Variants in AVL9 observed in about 807,000 individuals in gnomAD.
The protein encoded by AVL9 is late secretory pathway protein AVL9 homolog.
Under a neutral mutation model 79.2 loss-of-function variants are expected in AVL9, and 49 were observed. The observed-to-expected ratio is 0.62, with a 90% CI of 0.49 to 0.79. The LOEUF (loss-of-function observed/expected upper bound fraction) is 0.79. Ranked by LOEUF, AVL9 falls within the 30% of genes least tolerant of loss-of-function variation. AVL9 has a pLI of 0.00. For synonymous variants in AVL9, 299 were observed against 280.6 expected (o/e 1.07, Z -0.65); for missense variants, 682 against 776.8 (o/e 0.88, Z 1.45).
chr7:32,553,409 G>A lies in AVL9; in HGVS notation c.530-318G>A, dbSNP rs568631348. ...AGCCACCTATAGCTGTCTACATTTA[G>A]ATTAAAATTAATAAAATTTTAATAA... On this transcript the variant is annotated intron_variant, in intron 6 of 15. Transcript: ENST00000318709. Among the ~76,000 whole-genome samples, 607 of 152,224 alleles carry A rather than the reference G, an allele frequency of 4.0e-3. 6 individuals carry two copies. The highest frequency in any genetic ancestry group is 0.014 in the African/African-American group (589 of 41,534).
intron 13 of AVL9, among the ~76,000 whole-genome samples, chr7:32,577,232 G>A (rs1033292371): frequency 4.6e-5 from 7 of 152,276 alleles, no homozygotes; most frequent in African/African-American, 1.7e-4. Context: ...CTATTTGGGA[G>A]ACTGAGGCAG....
At chr7:32,571,442 C>T (rs570829373) in intron 11 of AVL9, among the ~76,000 whole-genome samples, 49 of 151,766 alleles carry the variant, frequency 3.2e-4, no homozygotes, top group African/African-American at 1.1e-3. Context: ...GCAGGAGAAT[C>T]GCTTGAACCC....
At chr7:32,569,932 T>G in intron 10 of AVL9, 88 bp from the exon 11 acceptor site, 1 of 1,327,500 alleles carries the variant, frequency 7.5e-7, no homozygotes, top group South Asian at 1.3e-5. Context: ...GAATGGAAGT[T>G]TCTTTTCCTA....
intron 4 of AVL9, among the ~76,000 whole-genome samples, chr7:32,550,467 T>C (rs765499341): frequency 7.9e-5 from 12 of 152,280 alleles, no homozygotes; most frequent in East Asian, 1.9e-4. Context: ...TTCTGGTCTA[T>C]GTATTGAAGT....
chr7:32,569,877 T>C, intron 10 of AVL9, 143 bp from the exon 11 acceptor site: 1 of 723,406 alleles, frequency 1.4e-6, no homozygotes, highest in Non-Finnish European at 2.3e-6. Context: ...TGGAATATTA[T>C]TTTATTGAGT....
Position 32,559,516 on chromosome 7 carries a change from T to C in AVL9, c.1215+52T>C, listed in dbSNP as rs766968909. 9.3e-6 allele frequency: 14 copies of C among 1,500,256 alleles called. No individual in the cohort carries two copies. The African/African-American group carries it at 2.0e-4, about 21-fold the overall frequency. 92.9% of individuals were successfully genotyped at this position (1,500,256 alleles called of 1,614,324 possible). A position where few individuals can be genotyped will look rare whatever the true frequency, so the allele number is the denominator to read the frequency against. ...TCCTTAAAGAATTTGAAAAATCCTT[T>C]CGGAGTTTAACTTTTGAACTTTTGG... On this transcript the variant is annotated intron_variant, in intron 10 of 15. Transcript: ENST00000318709.
intron 1 of AVL9, among the ~76,000 whole-genome samples, chr7:32,542,313 G>A (rs570658772): frequency 1.3e-5 from 2 of 150,506 alleles, no homozygotes; most frequent in African/African-American, 4.9e-5. Context: ...GCCAGGGCAG[G>A]CGGATTACCT....
At chr7:32,562,356 C>T (rs1191497262) in intron 10 of AVL9, among the ~76,000 whole-genome samples, 4 of 152,078 alleles carry the variant, frequency 2.6e-5, no homozygotes, top group African/African-American at 9.7e-5. Flanking sequence ...AAATATTATA[C>T]ATATGTATTT....
At position 32,576,171 on chromosome 7, in the gene AVL9, C is replaced by T. The variant is rs1036816739; in HGVS notation, c.1688+99C>T. 1.7e-5 allele frequency: 14 copies of T among 815,028 alleles called. No homozygotes were observed. In the East Asian group the frequency reaches 3.3e-4, roughly 19 times the overall value. The allele number at this position is 815,028 out of a possible 1,614,324, so 50.5% of individuals were successfully genotyped here. On this transcript the variant is annotated intron_variant, in intron 13 of 15. Transcript: ENST00000318709. ...TTTTAACTTTGATATTGTGAATATC[C>T]TCAAGAATCCCCTTAAGTAGGTCAT...
At chr7:32,564,743 C>G (rs1434005741) in intron 10 of AVL9, among the ~76,000 whole-genome samples, 1 of 152,156 alleles carries the variant, frequency 6.6e-6, no homozygotes, top group East Asian at 1.9e-4. Flanking sequence ...AGAGCTGATT[C>G]AGGAAGTGTA....
chr7:32,507,956 A>T (rs964619866), intron 1 of AVL9, among the ~76,000 whole-genome samples: 1 of 152,186 alleles, frequency 6.6e-6, no homozygotes, highest in Non-Finnish European at 1.5e-5. Flanking sequence ...ATTGTTTTAC[A>T]TCACATTTTT....
intron 6 of AVL9, among the ~76,000 whole-genome samples, chr7:32,552,806 G>A (rs1789892257): frequency 6.6e-6 from 1 of 152,038 alleles, no homozygotes; most frequent in South Asian, 2.1e-4. Flanking sequence ...GGATAGTAAT[G>A]GAAGTTTTTT....
rs193048938 is a variant in AVL9, at chr7:32,560,480, C to A, written c.1215+1016C>A. On this transcript the variant is annotated intron_variant, in intron 10 of 15. Transcript: ENST00000318709. ...CATCCCTAAGAAGCAGCTCCTCATC[C>A]GTTCAAGTTTTTATCAGTAGTTTGC... Among the ~76,000 whole-genome samples the A allele has an allele frequency of 2.8e-4, 42 of 152,254 alleles. 1 individual carries two copies. Among genetic ancestry groups the A allele is most frequent in the African/African-American group, 9.1e-4 (38 of 41,546 alleles).
At chr7:32,531,845 AC>A in intron 1 of AVL9, 1 of 158,310 alleles carries the variant, frequency 6.3e-6, no homozygotes, top group Non-Finnish European at 1.4e-5. Flanking sequence ...GGTGCTTGTG[AC>A]CCCCAAAGCC....
intron 1 of AVL9, among the ~76,000 whole-genome samples, chr7:32,521,109 T>G (rs1788127177): frequency 6.6e-6 from 1 of 152,178 alleles, no homozygotes; most frequent in Admixed American, 6.6e-5. Context: ...TAAATTTTTT[T>G]TTCTTCCCAG....
intron 4 of AVL9, 50 bp downstream of exon 4, chr7:32,548,968 T>G: frequency 7.9e-7 from 1 of 1,258,198 alleles, no homozygotes; most frequent in Non-Finnish European, 1.1e-6. Flanking sequence ...ATGGCAGATC[T>G]TTCTTTAAGG....
intron 1 of AVL9, among the ~76,000 whole-genome samples, chr7:32,513,249 C>A (rs1260480236): frequency 6.6e-6 from 1 of 152,152 alleles, no homozygotes; most frequent in Admixed American, 6.5e-5. Context: ...CAATGGATTC[C>A]CTCCTCAGCC....
chr7:32,530,090 A>AT (rs997597532), intron 1 of AVL9, among the ~76,000 whole-genome samples: 16 of 152,052 alleles, frequency 1.1e-4, no homozygotes, highest in Non-Finnish European at 2.1e-4. Flanking sequence ...ATTTTAAAAG[A>AT]TTTTTTTTAA....
chr7:32,543,635 T>C (rs1789320715), intron 2 of AVL9, among the ~76,000 whole-genome samples: 1 of 152,210 alleles, frequency 6.6e-6, no homozygotes, highest in South Asian at 2.1e-4. Context: ...AGGTTATCAC[T>C]CCAGTGCCCA....
Sources: allele counts gnomAD v4.1 joint callset (sites outside exome capture counted in the v4.1 genomes callset), GRCh38; gene constraint gnomAD v4.1.1; transcripts MANE v1.5; gene names NCBI Gene and HGNC (gene_info 2026-07-23, HGNC 2026-07-21).